The following PARD3 variants were observed in gnomAD, a reference collection of about 807,000 sequenced individuals.
PARD3 encodes the protein partitioning defective 3 homolog.
PARD3 carries 75 observed loss-of-function variants against 155.4 expected under a neutral mutation model. The observed-to-expected ratio is 0.48, with a 90% CI of 0.40 to 0.58. The LOEUF (loss-of-function observed/expected upper bound fraction) is 0.58. Ranked by LOEUF, PARD3 falls within the 20% of genes least tolerant of loss-of-function variation. PARD3 has a pLI of 0.00. For missense variants in PARD3, 1,642 were observed against 1,721.7 expected (o/e 0.95, Z 0.82); for synonymous variants, 576 against 610.5 (o/e 0.94, Z 0.83).
At chr10:34,603,983 A>G (rs934202585) in intron 2 of PARD3, among the ~76,000 whole-genome samples, 1 of 152,148 alleles carries the variant, frequency 6.6e-6, no homozygotes, top group Admixed American at 6.5e-5. Context: ...GTCCAGGAAC[A>G]AGAAATTTAA....
intron 3 of PARD3, among the ~76,000 whole-genome samples, chr10:34,504,337 G>A (rs2133462877): frequency 6.6e-6 from 1 of 151,206 alleles, no homozygotes; most frequent in East Asian, 1.9e-4. Context: ...TGCCCATGCT[G>A]GTCTTGAACT....
At chr10:34,149,487 T>C (rs1197128422) in intron 22 of PARD3, among the ~76,000 whole-genome samples, 1 of 152,138 alleles carries the variant, frequency 6.6e-6, no homozygotes, top group Non-Finnish European at 1.5e-5. Flanking sequence ...CAAATGGTCA[T>C]AATGGGAATA....
Position 34,454,898 on chromosome 10 carries a change from A to G in PARD3, c.583-4450T>C, listed in dbSNP as rs1474530072. On this transcript the variant is annotated intron_variant, in intron 4 of 24. Coordinates refer to ENST00000374788, the MANE Select transcript of PARD3 (RefSeq NM_001184785.2). The stretch of plus-strand genomic sequence containing the variant: ...CCTGGCTATGGAGAAAATCTCTTTC[A>G]GGGTAAGGAAAGTAAGTGTCTTCTC... 2.0e-5 allele frequency among the ~76,000 whole-genome samples: 3 copies of G among 152,054 alleles called. No individual in the cohort carries two copies. In the East Asian group the frequency reaches 5.8e-4, roughly 29 times the overall value.
chr10:34,210,407 G>T (rs1951687396), intron 22 of PARD3, among the ~76,000 whole-genome samples: 1 of 152,166 alleles, frequency 6.6e-6, no homozygotes, highest in Non-Finnish European at 1.5e-5. Context: ...TGTGGATGTT[G>T]GTTGAGACAT....
intron 22 of PARD3, among the ~76,000 whole-genome samples, chr10:34,162,583 T>C (rs1949339938): frequency 1.3e-5 from 2 of 152,322 alleles, no homozygotes; most frequent in East Asian, 1.9e-4. Context: ...AAGTGATCAC[T>C]AGAAGAGTAT....
intron 22 of PARD3, among the ~76,000 whole-genome samples, chr10:34,184,698 GTTT>G (rs9336860): frequency 7.4e-6 from 1 of 135,024 alleles, no homozygotes; most frequent in East Asian, 2.2e-4. Context: ...AGGCCTTTCG[GTTT>G]TTTTTTTTTT....
At chr10:34,495,616 G>A (rs1418454497) in intron 3 of PARD3, among the ~76,000 whole-genome samples, 1 of 152,192 alleles carries the variant, frequency 6.6e-6, no homozygotes, top group Non-Finnish European at 1.5e-5. Flanking sequence ...AGAAATGACT[G>A]ATTCCAGGTA....
At chr10:34,293,478 A>G (rs912825701) in intron 20 of PARD3, among the ~76,000 whole-genome samples, 1 of 152,164 alleles carries the variant, frequency 6.6e-6, no homozygotes, top group Non-Finnish European at 1.5e-5. Flanking sequence ...AAATATATAC[A>G]AACATACTAT....
At chr10:34,649,928 G>GACACAC (rs138875561) in intron 2 of PARD3, among the ~76,000 whole-genome samples, 1 of 149,958 alleles carries the variant, frequency 6.7e-6, no homozygotes, top group African/African-American at 2.5e-5. Context: ...GAAAAACTAA[G>GACACAC]ACACACACAC....
chr10:34,721,157 G>C (rs2133731470), intron 1 of PARD3, among the ~76,000 whole-genome samples: 1 of 152,214 alleles, frequency 6.6e-6, no homozygotes, highest in African/African-American at 2.4e-5. Flanking sequence ...ATGATACAGA[G>C]ACAGAAAATG....
chr10:34,725,991 T>C (rs1166366680), intron 1 of PARD3, among the ~76,000 whole-genome samples: 3 of 152,190 alleles, frequency 2.0e-5, no homozygotes, highest in East Asian at 3.9e-4. Flanking sequence ...TAGAATGCCA[T>C]TTGGTTAAAG....
In PARD3 at chr10:34,382,722, G is replaced by A. The variant is rs765734784; in HGVS notation, c.1217C>T (p.Pro406Leu). Reference protein sequence around the residue: ...SAGLHTVQRAPRLNHPPEQID... With the variant: ...SAGLHTVQRALRLNHPPEQID... Reference sequence around the variant, plus strand: ...CTGCTCAGGCGGGTGGTTCAGTCGGGGTGCTCTCTGCACCGTGTGAAGCCC... The same window carrying A: ...CTGCTCAGGCGGGTGGTTCAGTCGGAGTGCTCTCTGCACCGTGTGAAGCCC... The change falls in exon 9 of 25, where the codon CCC becomes CTC. Residue 406 changes from proline to leucine, a missense_variant. Coordinates refer to ENST00000374788, the MANE Select transcript of PARD3 (RefSeq NM_001184785.2). The A allele has an allele frequency of 6.2e-7, 1 of 1,614,162 alleles. No homozygotes were observed. Among genetic ancestry groups the A allele is most frequent in the Admixed American group, 1.7e-5 (1 of 60,018 alleles).
chr10:34,725,105 TTGTGTGTGTGTGTGTGTGTG>T (rs71033342), intron 1 of PARD3, among the ~76,000 whole-genome samples: 17 of 135,880 alleles, frequency 1.3e-4, no homozygotes, highest in South Asian at 8.0e-4. Flanking sequence ...AGTCAAAACT[TTGTGTGTGTGTGTGTGTGTG>T]TGTGTGTGTG....
At chr10:34,334,846 C>G (rs1049022427) in intron 18 of PARD3, among the ~76,000 whole-genome samples, 2 of 151,576 alleles carry the variant, frequency 1.3e-5, no homozygotes, top group African/African-American at 4.8e-5. Flanking sequence ...TGAAAGTTAT[C>G]TAACGCACTG....
chr10:34,359,560 C>T (rs1839240532), intron 13 of PARD3, among the ~76,000 whole-genome samples: 3 of 151,974 alleles, frequency 2.0e-5, no homozygotes, highest in Non-Finnish European at 4.4e-5. Context: ...ATCTGTTTAC[C>T]AAAATAGCAT....
intron 3 of PARD3, among the ~76,000 whole-genome samples, chr10:34,480,029 T>C (rs575533764): frequency 6.6e-6 from 1 of 152,358 alleles, no homozygotes; most frequent in South Asian, 2.1e-4. Flanking sequence ...GCCTGCCTTT[T>C]CCATCTTTCC....
chr10:34,452,447 G>C (rs1222492275), intron 4 of PARD3, among the ~76,000 whole-genome samples: 2 of 152,162 alleles, frequency 1.3e-5, no homozygotes, highest in African/African-American at 4.8e-5. Context: ...TATGTTAAGA[G>C]TTGATAGATA....
At chr10:34,414,543 C>A (rs746575325) in intron 5 of PARD3, among the ~76,000 whole-genome samples, 2 of 151,584 alleles carry the variant, frequency 1.3e-5, no homozygotes, top group African/African-American at 2.4e-5. Flanking sequence ...TCTGGCTGGG[C>A]GTGGGCTCAC....
intron 19 of PARD3, among the ~76,000 whole-genome samples, chr10:34,328,202 TGCA>T (rs1835244862): frequency 6.6e-6 from 1 of 152,212 alleles, no homozygotes; most frequent in Non-Finnish European, 1.5e-5. Context: ...GAAGATCTAG[TGCA>T]TACAAGGTCC....
Sources: gnomAD v4.1 joint callset for allele counts (sites outside exome capture counted in the v4.1 genomes callset) on GRCh38, gnomAD v4.1.1 for gene constraint, MANE v1.5 for transcripts, NCBI Gene and HGNC (gene_info 2026-07-23, HGNC 2026-07-21) for gene names.